CSGALNACT1: variants seen among roughly 807,000 people sequenced by gnomAD.
CSGALNACT1 encodes the protein beta4GalNAcT-1.
CSGALNACT1 carries 52 observed loss-of-function variants against 51.0 expected under a neutral mutation model. That is an observed-to-expected ratio of 1.02 (90% CI 0.82 to 1.29). CSGALNACT1 has a LOEUF of 1.29. CSGALNACT1 is among the 50% of genes most tolerant of loss of function. The pLI, the probability that CSGALNACT1 is intolerant of heterozygous loss-of-function variation, is 0.00. For synonymous variants in CSGALNACT1, 341 were observed against 254.4 expected, an observed-to-expected ratio of 1.34 and a Z score of -3.24; for missense variants, 935 against 679.2, an observed-to-expected ratio of 1.38 and a Z score of -4.19.
intron 3 of CSGALNACT1, among the ~76,000 whole-genome samples, chr8:19,588,575 T>A (rs984436748): frequency 6.6e-6 from 1 of 152,220 alleles, no homozygotes; most frequent in Non-Finnish European, 1.5e-5. Flanking sequence ...GAGGTCCTCT[T>A]ATACACCAGG....
intron 4 of CSGALNACT1, among the ~76,000 whole-genome samples, chr8:19,487,694 G>A (rs751996264): frequency 1.3e-5 from 2 of 151,938 alleles, no homozygotes; most frequent in African/African-American, 2.4e-5. Flanking sequence ...ACTATTCATG[G>A]TAGTTTTCCA....
intron 1 of CSGALNACT1, among the ~76,000 whole-genome samples, chr8:19,695,632 G>A (rs904860718): frequency 1.3e-5 from 2 of 152,204 alleles, no homozygotes; most frequent in African/African-American, 2.4e-5. Flanking sequence ...TCATTTTAGA[G>A]GCTGTACTGC....
intron 1 of CSGALNACT1, among the ~76,000 whole-genome samples, chr8:19,674,352 G>A (rs942320265): frequency 6.6e-6 from 1 of 152,118 alleles, no homozygotes; most frequent in Non-Finnish European, 1.5e-5. Flanking sequence ...AATAAGAGGG[G>A]ATCAAGAGGA....
intron 3 of CSGALNACT1, among the ~76,000 whole-genome samples, chr8:19,567,537 G>T (rs1273677845): frequency 1.3e-5 from 2 of 152,162 alleles, no homozygotes; most frequent in African/African-American, 4.8e-5. Flanking sequence ...ACTTATTGGG[G>T]AAACGTTAAA....
rs2062111411 is a variant in CSGALNACT1, at chr8:19,705,550, AT to A, written c.-297+52299del. On this transcript the variant is annotated intron_variant, in intron 1 of 1. Transcript: ENST00000517494. Reference sequence around the variant, plus strand: ...CAGGAGCTCAAGACCAGCTTAGGCAATATGATGAAACACCATCTCTACAAAA... The same window carrying A: ...CAGGAGCTCAAGACCAGCTTAGGCAAATGATGAAACACCATCTCTACAAAA... Among the ~76,000 whole-genome samples the A allele has an allele frequency of 7.2e-5, 11 of 152,278 alleles. 2 individuals are homozygous for A. In the South Asian group the frequency reaches 2.3e-3, roughly 32 times the overall value.
intron 6 of CSGALNACT1, among the ~76,000 whole-genome samples, chr8:19,435,567 G>A (rs1381058887): frequency 1.3e-5 from 2 of 151,858 alleles, no homozygotes; most frequent in Admixed American, 1.3e-4. Context: ...TATGGTCCAT[G>A]AACCACCCAC....
At chr8:19,740,241 CG>C (rs1563190708) in intron 1 of CSGALNACT1, among the ~76,000 whole-genome samples, 1 of 152,180 alleles carries the variant, frequency 6.6e-6, no homozygotes, top group African/African-American at 2.4e-5. Flanking sequence ...CGCTTGGCAG[CG>C]GGGAGGCCCT....
chr8:19,453,221 A>T (rs2063511260), intron 5 of CSGALNACT1, among the ~76,000 whole-genome samples: 1 of 152,212 alleles, frequency 6.6e-6, no homozygotes, highest in Non-Finnish European at 1.5e-5. Flanking sequence ...CACTTTATTA[A>T]CAAGAATATG....
chr8:19,693,012 C>T (rs3735954), intron 1 of CSGALNACT1, among the ~76,000 whole-genome samples: 34,360 of 152,070 alleles, frequency 0.23, 4,087 homozygotes, highest in Admixed American at 0.29. Flanking sequence ...TGCCATCAGC[C>T]CCCATCAGCA....
At chr8:19,660,283 C>A (rs148948666) in intron 1 of CSGALNACT1, among the ~76,000 whole-genome samples, 77 of 152,316 alleles carry the variant, frequency 5.1e-4, no homozygotes, top group African/African-American at 1.7e-3. Context: ...TGAAAGAGTG[C>A]AGTCTGGGGA....
At chr8:19,544,332 A>C (rs1329465514) in intron 3 of CSGALNACT1, among the ~76,000 whole-genome samples, 2 of 152,236 alleles carry the variant, frequency 1.3e-5, no homozygotes, top group African/African-American at 4.8e-5. Flanking sequence ...TCTACTATTT[A>C]AAAATATCTA....
At chr8:19,597,754 C>T (rs552324148) in intron 2 of CSGALNACT1, among the ~76,000 whole-genome samples, 1 of 152,362 alleles carries the variant, frequency 6.6e-6, no homozygotes, top group East Asian at 1.9e-4. Context: ...ATGATGATAA[C>T]ATTGCTAGCT....
exon 10 of CSGALNACT1, chr8:19,404,965 A>G (rs1265855266): frequency 2.2e-6 from 1 of 454,140 alleles, no homozygotes; most frequent in Non-Finnish European, 4.4e-6. Context: ...AGTGCCTGAC[A>G]GAATCAGCAT....
chr8:19,479,949 G>C (rs560081844), intron 4 of CSGALNACT1, among the ~76,000 whole-genome samples: 2 of 152,242 alleles, frequency 1.3e-5, no homozygotes, highest in South Asian at 4.1e-4. Flanking sequence ...TAAATATTGG[G>C]ATGACAGATA....
intron 3 of CSGALNACT1, among the ~76,000 whole-genome samples, chr8:19,543,412 A>C (rs1019776824): frequency 6.6e-6 from 1 of 152,220 alleles, no homozygotes; most frequent in African/African-American, 2.4e-5. Context: ...AAAGTTCTCT[A>C]TACGTATGTG....
chr8:19,708,073 TG>T (rs2062283137), intron 1 of CSGALNACT1, among the ~76,000 whole-genome samples: 1 of 152,024 alleles, frequency 6.6e-6, no homozygotes, highest in African/African-American at 2.4e-5. Flanking sequence ...TGAGAAAGGA[TG>T]AGCTGAGCAG....
intron 2 of CSGALNACT1, among the ~76,000 whole-genome samples, chr8:19,600,046 G>A (rs2050062773): frequency 6.6e-6 from 1 of 152,088 alleles, no homozygotes; most frequent in African/African-American, 2.4e-5. Flanking sequence ...GCTCCACCAT[G>A]GTTCATTCTT....
chr8:19,404,651 C>T (rs1336678702), exon 10 of CSGALNACT1: 3 of 450,234 alleles, frequency 6.7e-6, no homozygotes, highest in Admixed American at 4.7e-5. Flanking sequence ...CTTATGGAAG[C>T]CAGAAGCCAG....
chr8:19,493,189 C>A (rs1439000680), intron 4 of CSGALNACT1, among the ~76,000 whole-genome samples: 1 of 152,178 alleles, frequency 6.6e-6, no homozygotes, highest in African/African-American at 2.4e-5. Context: ...CACATTCAGC[C>A]TCCCCCAACC....
Sources: gnomAD v4.1 joint callset for allele counts (sites outside exome capture counted in the v4.1 genomes callset) on GRCh38, gnomAD v4.1.1 for gene constraint, MANE v1.5 for transcripts, NCBI Gene and HGNC (gene_info 2026-07-23, HGNC 2026-07-21) for gene names.